ATXN2: variants seen among roughly 807,000 people sequenced by gnomAD.
ATXN2 encodes the protein ataxin 2, also known as ataxin-2.
A neutral mutation model predicts 138.6 loss-of-function variants in ATXN2; 37 were observed. The ratio of observed to expected loss-of-function variants is 0.27; its 90% confidence interval spans 0.21 to 0.35. The LOEUF (loss-of-function observed/expected upper bound fraction) is 0.35, where lower values mean the gene tolerates loss of function less well. ATXN2 is among the 10% of genes least tolerant of loss of function. The pLI, the probability that ATXN2 is intolerant of heterozygous loss-of-function variation, is 1.00. For synonymous variants in ATXN2, 549 were observed against 543.7 expected, an observed-to-expected ratio of 1.01 and a Z score of -0.13; for missense variants, 1,216 against 1,480.3, an observed-to-expected ratio of 0.82 and a Z score of 2.93.
At chr12:111,467,650 T>C (rs1876118926) in intron 20 of ATXN2, among the ~76,000 whole-genome samples, 1 of 152,204 alleles carries the variant, frequency 6.6e-6, no homozygotes, top group African/African-American at 2.4e-5. Flanking sequence ...CCGGCTCTAA[T>C]GACTAGTTCA....
At chr12:111,534,125 A>G (rs1592871681) in intron 5 of ATXN2, among the ~76,000 whole-genome samples, 1 of 152,028 alleles carries the variant, frequency 6.6e-6, no homozygotes, top group Non-Finnish European at 1.5e-5. Context: ...ATTAAGTTTA[A>G]AAATATAAGT....
chr12:111,578,237 C>T (rs1229440443), intron 1 of ATXN2, among the ~76,000 whole-genome samples: 1 of 152,068 alleles, frequency 6.6e-6, no homozygotes, highest in Non-Finnish European at 1.5e-5. Flanking sequence ...TTTAGTGTAT[C>T]CTAACTGTTC....
In ATXN2 at chr12:111,495,741, C is replaced by A. The variant is rs77465633; in HGVS notation, c.1936-6961G>T. Among the ~76,000 whole-genome samples, 310 of 152,116 alleles carry A rather than the reference C, an allele frequency of 2.0e-3. 5 individuals are homozygous for A. In the East Asian group the frequency reaches 0.058, roughly 29 times the overall value. ...AATTTGCTCTATAGACCAAATAGGC[C>A]CAATACATATTTACAGAACATTGTG... On this transcript the variant is annotated intron_variant, in intron 14 of 24. Transcript: ENST00000673436.
chr12:111,521,495 A>T (rs778621566), intron 6 of ATXN2, among the ~76,000 whole-genome samples: 23 of 152,226 alleles, frequency 1.5e-4, no homozygotes, highest in Non-Finnish European at 2.8e-4. Flanking sequence ...CCAAGGTCGG[A>T]CTATGGTACT....
chr12:111,493,732 G>A (rs975131584), intron 14 of ATXN2, among the ~76,000 whole-genome samples: 3 of 151,762 alleles, frequency 2.0e-5, no homozygotes, highest in Admixed American at 6.6e-5. Flanking sequence ...AGGTTCAAGC[G>A]ATTCTCCTGC....
In ATXN2 at chr12:111,550,078, A is replaced by AG. The variant is rs1207897679; in HGVS notation, c.571+2201_571+2202insC. 2.6e-4 allele frequency among the ~76,000 whole-genome samples: 39 copies of AG among 151,482 alleles called. No individual in the cohort carries two copies. The South Asian group carries it at 3.3e-3, about 13-fold the overall frequency. Reference sequence around the variant, plus strand: ...CTCCGTCTCCAAAAAAAAAAAAAAAAAGAGAGAGAAAAGAAAAAATAAGAT... The same window carrying AG: ...CTCCGTCTCCAAAAAAAAAAAAAAAAGAGAGAGAGAAAAGAAAAAATAAGAT... On this transcript the variant is annotated intron_variant, in intron 5 of 24. Coordinates refer to ENST00000673436, the MANE Select transcript of ATXN2 (RefSeq NM_001372574.1).
chr12:111,586,749 G>C (rs1484555915), intron 1 of ATXN2, among the ~76,000 whole-genome samples: 2 of 151,632 alleles, frequency 1.3e-5, no homozygotes, highest in Non-Finnish European at 2.9e-5. Context: ...TCGAACTCCT[G>C]ACCTCAAGTG....
rs181515241 is a variant in ATXN2 at position 111,543,351 on chromosome 12, A to T, written c.571+8929T>A. ...ACACAACAGCACACCAGAATAAAAC[A>T]ATCTGTAGAATTTTATTTCTCACTG... On this transcript the variant is annotated intron_variant, in intron 5 of 24. Coordinates refer to ENST00000673436, the MANE Select transcript of ATXN2 (RefSeq NM_001372574.1). Among the ~76,000 whole-genome samples the T allele has an allele frequency of 3.9e-5, 6 of 152,318 alleles. No individual in the cohort carries two copies. In the East Asian group the frequency reaches 1.2e-3, roughly 29 times the overall value.
chr12:111,580,963 A>AC (rs1221529083), intron 1 of ATXN2, among the ~76,000 whole-genome samples: 2 of 151,628 alleles, frequency 1.3e-5, no homozygotes, highest in African/African-American at 4.8e-5. Context: ...ACATGGTGCT[A>AC]CCCCATCTCT....
intron 1 of ATXN2, among the ~76,000 whole-genome samples, chr12:111,566,153 C>T (rs1171448953): frequency 2.0e-5 from 3 of 152,080 alleles, no homozygotes; most frequent in Non-Finnish European, 4.4e-5. Flanking sequence ...AGAAATACGG[C>T]CGGGCGCGGT....
At chr12:111,507,868 C>T (rs1048079073) in intron 14 of ATXN2, among the ~76,000 whole-genome samples, 1 of 152,172 alleles carries the variant, frequency 6.6e-6, no homozygotes, top group Non-Finnish European at 1.5e-5. Context: ...TACCCCCAAC[C>T]CTGTGCTCTC....
At chr12:111,569,600 C>T (rs1332533417) in intron 1 of ATXN2, among the ~76,000 whole-genome samples, 1 of 152,046 alleles carries the variant, frequency 6.6e-6, no homozygotes, top group Admixed American at 6.6e-5. Context: ...GCCTACAGTT[C>T]CAGTTACTTG....
Position 111,470,745 on chromosome 12 carries a change from G to A in ATXN2, c.2525-3C>T, listed in dbSNP as rs200655762. 3.0e-5 allele frequency: 49 copies of A among 1,613,658 alleles called. No homozygotes were observed. The African/African-American group carries it at 5.6e-4, about 18-fold the overall frequency. ...CCGCTGTTGGGGCATATTTGGTACTGCAGAAAAAAAAGCAGACTGCCTATT... is the reference window on the plus strand; with the variant it reads ...CCGCTGTTGGGGCATATTTGGTACTACAGAAAAAAAAGCAGACTGCCTATT... On this transcript the variant is annotated splice_region_variant and splice_polypyrimidine_tract_variant and intron_variant, in intron 18 of 24. Transcript: ENST00000673436.
In ATXN2 at chr12:111,598,325, TC is replaced by T. The variant is rs1885043153; in HGVS notation, c.251+458del. ...CCCTAACTTCTCCCCTCCAGAGATG[TC>T]CCCCATGGAGGGGGACATGTTCCGG... On this transcript the variant is annotated intron_variant, in intron 1 of 24. Transcript: ENST00000673436. The surrounding 1 kb of genome is among the most constrained non-coding windows in gnomAD (Gnocchi z 4.5). The T allele has an allele frequency of 6.0e-6, 6 of 992,308 alleles. No homozygotes were observed. The South Asian group carries it at 1.8e-4, about 30-fold the overall frequency. The allele number at this position is 992,308 out of a possible 1,614,324, so 61.5% of individuals were successfully genotyped here.
intron 3 of ATXN2, among the ~76,000 whole-genome samples, chr12:111,553,241 G>A (rs1882211007): frequency 6.6e-6 from 1 of 152,078 alleles, no homozygotes. Flanking sequence ...ACAAAATAAT[G>A]TACAAAAGAC....
chr12:111,569,455 G>A (rs1170066231), intron 1 of ATXN2, among the ~76,000 whole-genome samples: 1 of 152,092 alleles, frequency 6.6e-6, no homozygotes, highest in East Asian at 1.9e-4. Context: ...AAGGCCAGTC[G>A]CAGTGGCCCA....
chr12:111,597,428 C>A (rs1414386536), intron 1 of ATXN2, among the ~76,000 whole-genome samples: 2 of 152,224 alleles, frequency 1.3e-5, no homozygotes, highest in African/African-American at 2.4e-5. Flanking sequence ...CTAAAGAAGG[C>A]ACAGTAGTGC....
At chr12:111,549,168 A>G (rs976117935) in intron 5 of ATXN2, among the ~76,000 whole-genome samples, 1 of 152,126 alleles carries the variant, frequency 6.6e-6, no homozygotes, top group African/African-American at 2.4e-5. Context: ...ACATTTTTAA[A>G]AACTCCCCAG....
intron 21 of ATXN2, 77 bp from the exon 22 acceptor site, chr12:111,457,436 G>C: frequency 1.4e-6 from 2 of 1,473,626 alleles, no homozygotes; most frequent in Non-Finnish European, 1.8e-6. Flanking sequence ...TTCATCAACT[G>C]AACTTTCTTG....
Sources: gnomAD v4.1 joint callset for allele counts (sites outside exome capture counted in the v4.1 genomes callset) on GRCh38, gnomAD v4.1.1 for gene constraint, Gnocchi (gnomAD v3.1) non-coding constraint, MANE v1.5 for transcripts, NCBI Gene and HGNC (gene_info 2026-07-23, HGNC 2026-07-21) for gene names.